CADM2: variants seen among roughly 807,000 people sequenced by gnomAD.
CADM2 encodes immunoglobulin superfamily member 4D.
CADM2 carries 12 observed loss-of-function variants against 49.8 expected under a neutral mutation model. The ratio of observed to expected loss-of-function variants is 0.24; its 90% CI spans 0.15 to 0.39. The LOEUF (loss-of-function observed/expected upper bound fraction) is 0.39. Among genes scored for constraint, CADM2 ranks in the 10% least tolerant of loss-of-function variants. CADM2 has a pLI of 1.00. For synonymous variants in CADM2, 214 were observed against 175.4 expected, an observed-to-expected ratio of 1.22 and a Z score of -1.74; for missense variants, 378 against 492.3, an observed-to-expected ratio of 0.77 and a Z score of 2.20.
chr3:85,026,326 A>C (rs2034725463), intron 1 of CADM2, among the ~76,000 whole-genome samples: 1 of 152,180 alleles, frequency 6.6e-6, no homozygotes, highest in Non-Finnish European at 1.5e-5. Context: ...ATAGCAAACC[A>C]GTTGCTAAAT....
At chr3:85,567,643 A>ATAGC (rs2062305323) in intron 1 of CADM2, among the ~76,000 whole-genome samples, 1 of 151,698 alleles carries the variant, frequency 6.6e-6, no homozygotes, top group African/African-American at 2.4e-5. Context: ...TCAATTCCAG[A>ATAGC]TAGATAGATA....
intron 1 of CADM2, among the ~76,000 whole-genome samples, chr3:85,139,156 AT>A (rs1316316389): frequency 6.6e-6 from 1 of 152,170 alleles, no homozygotes; most frequent in Non-Finnish European, 1.5e-5. Flanking sequence ...TCTTTTAGAA[AT>A]TTTGTTCTCT....
Position 85,491,038 on chromosome 3 carries a change from A to G in CADM2, c.62-235484A>G, listed in dbSNP as rs1188467715. ...GAATTTTTCTCAGAACACTTAGATT[A>G]TCATTTGTCATGTTAAGTCAAAGCA... On this transcript the variant is annotated intron_variant, in intron 1 of 9. Coordinates refer to ENST00000383699, the MANE Select transcript of CADM2 (RefSeq NM_001167675.2). Among the ~76,000 whole-genome samples, 5 of 152,364 alleles carry G rather than the reference A, an allele frequency of 3.3e-5. No individual in the cohort carries two copies. In the East Asian group the frequency reaches 7.7e-4, roughly 24 times the overall value.
At chr3:85,069,688 A>G (rs1485088886) in intron 1 of CADM2, among the ~76,000 whole-genome samples, 3 of 152,160 alleles carry the variant, frequency 2.0e-5, no homozygotes, top group Non-Finnish European at 4.4e-5. Flanking sequence ...AGCTACATCA[A>G]ATAAGTAAAT....
chr3:85,294,227 T>C (rs1052341576), intron 1 of CADM2, among the ~76,000 whole-genome samples: 1 of 152,058 alleles, frequency 6.6e-6, no homozygotes, highest in African/African-American at 2.4e-5. Context: ...GAATCCAACA[T>C]ACAAGGGATG....
At chr3:85,032,222 T>C (rs1399447588) in intron 1 of CADM2, among the ~76,000 whole-genome samples, 3 of 151,788 alleles carry the variant, frequency 2.0e-5, no homozygotes, top group South Asian at 2.1e-4. Context: ...CTGGTTTTTT[T>C]TTTTTATCTT....
chr3:85,224,061 T>C (rs1049768152), intron 1 of CADM2, among the ~76,000 whole-genome samples: 4 of 152,108 alleles, frequency 2.6e-5, no homozygotes, highest in Admixed American at 2.0e-4. Context: ...CTGCAATACA[T>C]ATACATGTGC....
chr3:85,943,475 C>T (rs535294924), intron 7 of CADM2, among the ~76,000 whole-genome samples: 8 of 149,326 alleles, frequency 5.4e-5, no homozygotes, highest in African/African-American at 1.5e-4. Flanking sequence ...TTAGGTCTAA[C>T]GTTTAAGTCT....
rs1171135971 is a variant in CADM2 at position 85,459,826 on chromosome 3, A to G, written c.62-266696A>G. ...GTGTTTTTGATTGTGGATGCCATTC[A>G]CACATAGTGTGAATTAAGATGCTCT... On this transcript the variant is annotated intron_variant, in intron 1 of 9. Coordinates refer to ENST00000383699, the MANE Select transcript of CADM2 (RefSeq NM_001167675.2). 5.9e-5 allele frequency among the ~76,000 whole-genome samples: 9 copies of G among 152,338 alleles called. No individual in the cohort carries two copies. The South Asian group carries it at 1.4e-3, about 25-fold the overall frequency.
intron 1 of CADM2, among the ~76,000 whole-genome samples, chr3:85,556,909 A>C (rs1480821735): frequency 6.6e-6 from 1 of 152,098 alleles, no homozygotes; most frequent in South Asian, 2.1e-4. Context: ...CAATGAAATA[A>C]GGTTCTTTTA....
intron 3 of CADM2, among the ~76,000 whole-genome samples, chr3:85,809,763 CCTCTCTCTCT>C (rs575170244): frequency 1.9e-4 from 10 of 51,916 alleles, no homozygotes; most frequent in African/African-American, 1.2e-3. Context: ...TCCCTCCCTC[CCTCTCTCTCT>C]CTCTCTCTCT....
intron 7 of CADM2, among the ~76,000 whole-genome samples, chr3:85,946,605 C>T (rs987546358): frequency 7.2e-5 from 11 of 152,026 alleles, no homozygotes; most frequent in African/African-American, 2.2e-4. Flanking sequence ...GAGATATAGA[C>T]CAATGGAACA....
intron 1 of CADM2, among the ~76,000 whole-genome samples, chr3:85,388,367 G>A (rs1455669034): frequency 6.6e-6 from 1 of 152,130 alleles, no homozygotes; most frequent in Non-Finnish European, 1.5e-5. Flanking sequence ...TAATATGTTT[G>A]GCCATGTGGT....
intron 1 of CADM2, among the ~76,000 whole-genome samples, chr3:85,140,023 G>T (rs1249040570): frequency 6.6e-6 from 1 of 152,102 alleles, no homozygotes; most frequent in Non-Finnish European, 1.5e-5. Flanking sequence ...AAGACCAGTG[G>T]ATAGGGAAGG....
At chr3:85,598,335 A>G (rs998415827) in intron 1 of CADM2, among the ~76,000 whole-genome samples, 1 of 151,710 alleles carries the variant, frequency 6.6e-6, no homozygotes, top group African/African-American at 2.4e-5. Flanking sequence ...AAACCCTGAA[A>G]TGTATCTAAA....
In CADM2 at chr3:86,036,203, A is replaced by G. The variant is rs552273700; in HGVS notation, c.971-29402A>G. On this transcript the variant is annotated intron_variant, in intron 8 of 9. Transcript: ENST00000383699. Reference sequence around the variant, plus strand: ...AATATATTAAGTCTATGCCCACAGGAGAACTTATTTGTCACACATTCATTT... The same window carrying G: ...AATATATTAAGTCTATGCCCACAGGGGAACTTATTTGTCACACATTCATTT... Among the ~76,000 whole-genome samples the G allele has an allele frequency of 1.1e-4, 16 of 152,254 alleles. No individual in the cohort carries two copies. The East Asian group carries it at 3.1e-3, about 29-fold the overall frequency.
chr3:85,428,392 A>T (rs1220171659), intron 1 of CADM2, among the ~76,000 whole-genome samples: 2 of 144,960 alleles, frequency 1.4e-5, no homozygotes, highest in African/African-American at 5.0e-5. Flanking sequence ...TTTATTTTAT[A>T]TAATACATAT....
intron 1 of CADM2, among the ~76,000 whole-genome samples, chr3:85,469,797 C>G (rs1053380414): frequency 1.3e-5 from 2 of 152,134 alleles, no homozygotes; most frequent in African/African-American, 4.8e-5. Context: ...AGTGTTAACA[C>G]AGTCAGTTTA....
At chr3:85,448,892 T>C (rs1344892913) in intron 1 of CADM2, among the ~76,000 whole-genome samples, 1 of 151,410 alleles carries the variant, frequency 6.6e-6, no homozygotes, top group Admixed American at 6.6e-5. Context: ...CTACTAAAAA[T>C]ACAAAAAATT....
Sources: gnomAD v4.1 joint callset for allele counts (sites outside exome capture counted in the v4.1 genomes callset) on GRCh38, gnomAD v4.1.1 for gene constraint, MANE v1.5 for transcripts, NCBI Gene and HGNC (gene_info 2026-07-23, HGNC 2026-07-21) for gene names.